The following LILRA6 variants were observed in gnomAD, a reference collection of about 807,000 sequenced individuals.
LILRA6 encodes the protein leukocyte immunoglobulin-like receptor subfamily A member 6.
In LILRA6, 16 loss-of-function variants were observed where a neutral mutation model predicts 53.9. The observed-to-expected ratio is 0.30, with a 90% CI of 0.20 to 0.45. The LOEUF (loss-of-function observed/expected upper bound fraction) is 0.45, where lower values mean the gene tolerates loss of function less well. LILRA6 is among the 20% of genes least tolerant of loss of function. The pLI, the probability that LILRA6 is intolerant of heterozygous loss-of-function variation, is 1.00. For synonymous variants in LILRA6, 135 were observed against 256.4 expected (o/e 0.53, Z 4.52); for missense variants, 306 against 618.6 (o/e 0.49, Z 5.36).
Position 54,241,857 on chromosome 19 carries a change from A to C in LILRA6, c.377T>G (p.Leu126Arg), listed in dbSNP as rs1251618151. The C allele has an allele frequency of 1.1e-5, 14 of 1,295,664 alleles. 4 individuals are homozygous for C. Among genetic ancestry groups the C allele is most frequent in the Middle Eastern group, 2.4e-4 (1 of 4,230 alleles). The allele number at this position is 1,295,664 out of a possible 1,614,324, so 80.3% of individuals were successfully genotyped here. The change falls in exon 4 of 8, where the codon CTC (leucine) becomes CGC (arginine). Residue 126 changes from leucine (L) to arginine (R), a missense_variant. Leu to Arg is a moderately radical substitution (Grantham distance 102). Around this residue, in one of 9 missense-constraint regions of LILRA6, gnomAD observed 35 missense variants for 39.5 expected, o/e 0.89. Transcript: ENST00000396365. ...CACCACAGGGCTGGGCAGGGCTGAG[A>C]GGGTGGGTTTGCTATAGGCTCCTAG...
At chr19:54,239,461 G>T in intron 7 of LILRA6, 2 of 621,944 alleles carry the variant, frequency 3.2e-6, no homozygotes, top group Non-Finnish European at 5.3e-6. Context: ...CGCTGCTCCT[G>T]AGCCATTTCC....
intron 3 of LILRA6, 65 bp downstream of exon 3, chr19:54,241,961 C>T: frequency 8.0e-7 from 1 of 1,244,296 alleles, no homozygotes; most frequent in Admixed American, 2.0e-5. Flanking sequence ...AGGGAGACAC[C>T]CCTGAGAGCC....
intron 7 of LILRA6, chr19:54,239,403 G>T: frequency 1.5e-6 from 1 of 668,862 alleles, no homozygotes; most frequent in Non-Finnish European, 2.4e-6. Context: ...GCTCCCTCCA[G>T]TCTCCTCATG....
intron 7 of LILRA6, 80 bp from the exon 8 acceptor site, chr19:54,239,169 C>T: frequency 1.3e-6 from 2 of 1,594,946 alleles, no homozygotes; most frequent in Non-Finnish European, 1.7e-6. Context: ...CAACCCAGGG[C>T]ACCCCCCATC....
chr19:54,241,130 G>C lies in LILRA6; in HGVS notation c.659-3C>G, dbSNP rs759987757. ...GAGGGAGGGCTTCCTAGACACGCCT[G>C]GAGGGAAAGAGGAGCCAGGACTGAG... On this transcript the variant is annotated splice_polypyrimidine_tract_variant and splice_region_variant and intron_variant, in intron 4 of 7. Transcript: ENST00000396365. 1 of 1,564,546 alleles carries C rather than the reference G, an allele frequency of 6.4e-7. No homozygotes were observed. The highest frequency in any genetic ancestry group is 1.4e-5 in the African/African-American group (1 of 73,032).
rs1186634066 is a variant in LILRA6 at position 54,238,658 on chromosome 19, G to C, written c.*295C>G. 4 of 393,370 alleles carry C rather than the reference G, an allele frequency of 1.0e-5. No individual in the cohort carries two copies. In the East Asian group the frequency reaches 2.3e-4, roughly 23 times the overall value. 24.4% of individuals were successfully genotyped at this position (393,370 alleles called of 1,614,324 possible). On this transcript the variant is annotated 3_prime_UTR_variant, in exon 8 of 8. Coordinates refer to ENST00000396365, the Ensembl canonical transcript of LILRA6. ...TGATATTGTCATGAATTCCTCAAGAGTTAGTGTTTGCTGGCCTCCAAGAGG... is the reference window on the plus strand; with the variant it reads ...TGATATTGTCATGAATTCCTCAAGACTTAGTGTTTGCTGGCCTCCAAGAGG...
intron 7 of LILRA6, chr19:54,239,452 G>A (rs1261760726): frequency 1.5e-5 from 9 of 618,344 alleles, no homozygotes; most frequent in Middle Eastern, 4.2e-4. Flanking sequence ...GAATTTCAAC[G>A]CTGCTCCTGA....
chr19:54,239,295 G>T, intron 7 of LILRA6: 1 of 1,445,846 alleles, frequency 6.9e-7, no homozygotes, highest in Non-Finnish European at 9.2e-7. Context: ...AGAGCCCTGA[G>T]CCAGCCTCTC....
chr19:54,238,957 C>T lies in LILRA6; in HGVS notation c.1442G>A (p.Arg481Lys), dbSNP rs757477613. The T allele has an allele frequency of 3.1e-6, 5 of 1,610,976 alleles. No individual in the cohort carries two copies. In the East Asian group the frequency reaches 6.7e-5, roughly 22 times the overall value. The stretch of plus-strand genomic sequence containing the variant: ...GTGCATTGTCCTCTCCGCTGTTCAC[C>T]TCCCGGCTGCATCTTGGGGGTTTCT... Residue 481 changes from arginine to lysine, a missense_variant, in exon 8 of 8, where the codon AGG becomes AAG. Coordinates refer to ENST00000396365, the Ensembl canonical transcript of LILRA6.
In LILRA6 at chr19:54,241,610, G is replaced by A. The variant is rs1215885356; in HGVS notation, c.624C>T (p.Ser208=). ...GAATCTCCAGGGGGTCACTGGGGTG[G>A]GACCACACCCGGGGGGTGTTCATAT... The change falls in exon 4 of 8, where the codon TCC becomes TCT. Residue 208 remains serine (S), a synonymous_variant. Coordinates refer to ENST00000396365, the Ensembl canonical transcript of LILRA6. 24 of 1,489,810 alleles carry A rather than the reference G, an allele frequency of 1.6e-5. 4 individuals are homozygous for A. The highest frequency in any genetic ancestry group is 1.8e-5 in the Non-Finnish European group (20 of 1,092,028). 92.3% of individuals were successfully genotyped at this position (1,489,810 alleles called of 1,614,324 possible). A position where few individuals can be genotyped will look rare whatever the true frequency, so the allele number is the denominator to read the frequency against.
exon 8 of LILRA6, chr19:54,238,817 A>T (rs61002408): frequency 1.4e-6 from 2 of 1,445,192 alleles, no homozygotes; most frequent in South Asian, 1.4e-5. Context: ...ATCAGACATG[A>T]TTACCTTCCA....
At position 54,238,895 on chromosome 19, in the gene LILRA6, C is replaced by T; in HGVS notation, c.*58G>A. On this transcript the variant is annotated 3_prime_UTR_variant, in exon 8 of 8. Coordinates refer to ENST00000396365, the Ensembl canonical transcript of LILRA6. ...ATTGTCCTCCAGAGCCTTCTGGGAT[C>T]ATCAGATCTGTCCCTGAGGCTCCAC... The T allele has an allele frequency of 1.9e-6, 3 of 1,592,918 alleles. No homozygotes were observed. In the East Asian group the frequency reaches 6.8e-5, roughly 36 times the overall value.
At chr19:54,240,526 C>A (rs1247078106) in exon 6 of LILRA6, 9 of 1,609,204 alleles carry the variant, frequency 5.6e-6, no homozygotes, top group Admixed American at 1.7e-5. Flanking sequence ...TCTCCTGAGG[C>A]CACTGTGGGG....
chr19:54,239,211 G>T lies in LILRA6; in HGVS notation c.1310-122C>A, dbSNP rs193271132. The T allele has an allele frequency of 9.8e-5, 152 of 1,557,196 alleles. 1 individual carries two copies. The highest frequency in any genetic ancestry group is 1.3e-4 in the Non-Finnish European group (145 of 1,153,918). ...TGACAGAACCTGACCCTCTGTGCCC[G>T]CCCCATAACTGTCTGACTTGTTTTG... On this transcript the variant is annotated intron_variant, in intron 7 of 7. Transcript: ENST00000396365.
chr19:54,237,168 G>A, downstream of LILRA6: 1 of 150,786 alleles, frequency 6.6e-6, no homozygotes, highest in East Asian at 1.9e-4. Flanking sequence ...TTCGAGACCA[G>A]CCAGAGCAAC....
chr19:54,238,405 C>T (rs2078664589), downstream of LILRA6: 1 of 152,286 alleles, frequency 6.6e-6, no homozygotes. Context: ...TGCAGTCCTA[C>T]CATGGATGTA....
intron 7 of LILRA6, chr19:54,239,650 G>A (rs1159701314): frequency 2.0e-6 from 3 of 1,498,416 alleles, no homozygotes; most frequent in South Asian, 1.2e-5. Flanking sequence ...TGAGGGGCTG[G>A]TCCTCAGGAC....
At chr19:54,240,704 C>A in intron 5 of LILRA6, 127 bp downstream of exon 5, 10 of 1,575,886 alleles carry the variant, frequency 6.3e-6, no homozygotes, top group Non-Finnish European at 7.7e-6. Context: ...CCCGCCCATC[C>A]CCTGTCTCTG....
At chr19:54,236,688 G>A (rs1416911918), downstream of LILRA6, 2 of 150,952 alleles carry the variant, frequency 1.3e-5, no homozygotes, top group Non-Finnish European at 2.9e-5. Context: ...AGGAACATGT[G>A]GTCTATATAC....
Sources: gnomAD v4.1 joint callset for allele counts on GRCh38, gnomAD v4.1.1 for gene constraint, gnomAD v4.1.1 regional missense constraint, MANE v1.5 for transcripts, NCBI Gene and HGNC (gene_info 2026-07-23, HGNC 2026-07-21) for gene names.